Variants in MTFR1 observed in about 807,000 individuals in gnomAD.
MTFR1 encodes the protein mitochondrial fission regulator 1.
MTFR1 carries 28 observed loss-of-function variants against 38.8 expected under a neutral mutation model. That is an observed-to-expected ratio of 0.72 (90% CI 0.53 to 0.99). MTFR1 has a LOEUF of 0.99. MTFR1 is among the 50% of genes least tolerant of loss of function. MTFR1 has a pLI of 0.00. For synonymous variants in MTFR1, 145 were observed against 137.0 expected, an observed-to-expected ratio of 1.06 and a Z score of -0.41; for missense variants, 358 against 395.5, an observed-to-expected ratio of 0.91 and a Z score of 0.81.
chr8:65,727,136 AAAT>A, intron 3 of MTFR1: 3 of 1,312,640 alleles, frequency 2.3e-6, no homozygotes, highest in Non-Finnish European at 3.3e-6. Flanking sequence ...TAGAATGCAA[AAAT>A]AATAAATCTT....
rs529905959 is a variant in MTFR1, at chr8:65,740,607, G to A, written c.*48+21126G>A. Among the ~76,000 whole-genome samples the A allele has an allele frequency of 3.4e-4, 52 of 152,118 alleles. 1 individual carries two copies. The highest frequency in any genetic ancestry group is 6.2e-4 in the South Asian group (3 of 4,818). On this transcript the variant is annotated intron_variant, in intron 3 of 3. Transcript: ENST00000521247. ...AGTAGAGACAGGGTTTCACTTTGTT[G>A]GCCAGGCTGGTCTCGAACTCCTGAC...
chr8:65,748,351 G>A (rs1264190030), intron 3 of MTFR1, among the ~76,000 whole-genome samples: 2 of 152,184 alleles, frequency 1.3e-5, no homozygotes, highest in Admixed American at 1.3e-4. Flanking sequence ...TTTATATCCT[G>A]TAAGTGTTCT....
intron 4 of MTFR1, among the ~76,000 whole-genome samples, chr8:65,694,166 A>T (rs1443517613): frequency 1.4e-5 from 2 of 147,226 alleles, no homozygotes; most frequent in Non-Finnish European, 3.0e-5. Flanking sequence ...CCTCCACCTC[A>T]CAGGTTCAAG....
chr8:65,768,011 G>C (rs545259310), intron 3 of MTFR1, among the ~76,000 whole-genome samples: 2 of 151,986 alleles, frequency 1.3e-5, no homozygotes, highest in Non-Finnish European at 2.9e-5. Context: ...TTAACCTGTG[G>C]GGTCTGACAC....
intron 3 of MTFR1, chr8:65,727,086 T>G (rs990535659): frequency 9.7e-7 from 1 of 1,034,300 alleles, no homozygotes; most frequent in Non-Finnish European, 1.5e-6. Flanking sequence ...TGAGAATTTA[T>G]TTTCATTACT....
downstream of MTFR1, among the ~76,000 whole-genome samples, chr8:65,771,820 A>C (rs577464520): frequency 6.9e-6 from 1 of 144,988 alleles, no homozygotes; most frequent in East Asian, 2.0e-4. Flanking sequence ...GGCTGCAGTG[A>C]GCCACGATTG....
intron 4 of MTFR1, among the ~76,000 whole-genome samples, chr8:65,699,967 G>C (rs1171870851): frequency 1.3e-5 from 2 of 151,962 alleles, no homozygotes; most frequent in African/African-American, 2.4e-5. Flanking sequence ...TATGTCTCCA[G>C]GAAAACAGGA....
intron 3 of MTFR1, chr8:65,726,840 C>T (rs1377405557): frequency 9.0e-7 from 1 of 1,109,548 alleles, no homozygotes; most frequent in East Asian, 2.4e-5. Context: ...CTTCTATAAC[C>T]AGTAACAAAT....
At chr8:65,752,107 T>G (rs1171529675) in intron 3 of MTFR1, among the ~76,000 whole-genome samples, 1 of 152,242 alleles carries the variant, frequency 6.6e-6, no homozygotes, top group Non-Finnish European at 1.5e-5. Flanking sequence ...GCTTGAGATA[T>G]CATCCTCTAA....
chr8:65,686,368 T>C (rs991991337), intron 3 of MTFR1, among the ~76,000 whole-genome samples: 1 of 151,640 alleles, frequency 6.6e-6, no homozygotes, highest in Non-Finnish European at 1.5e-5. Context: ...GGTCAGGAGT[T>C]CAAGACCAGC....
chr8:65,745,139 C>A (rs189686944), intron 3 of MTFR1, among the ~76,000 whole-genome samples: 2 of 152,310 alleles, frequency 1.3e-5, no homozygotes, highest in Non-Finnish European at 2.9e-5. Flanking sequence ...CTCTTGCCTG[C>A]CAACATGTAA....
At chr8:65,663,654 A>G (rs1563436971) in intron 1 of MTFR1, among the ~76,000 whole-genome samples, 2 of 151,950 alleles carry the variant, frequency 1.3e-5, no homozygotes, top group African/African-American at 4.8e-5. Flanking sequence ...AACAATACCA[A>G]TTATTACTGA....
chr8:65,744,583 T>C (rs1383954804), intron 3 of MTFR1, among the ~76,000 whole-genome samples: 2 of 152,192 alleles, frequency 1.3e-5, no homozygotes, highest in East Asian at 3.8e-4. Flanking sequence ...TAGATTCTGA[T>C]AAGCGCTCTT....
intron 1 of MTFR1, among the ~76,000 whole-genome samples, chr8:65,651,683 T>C (rs549123408): frequency 6.6e-6 from 1 of 152,316 alleles, no homozygotes; most frequent in South Asian, 2.1e-4. Context: ...GCTACGACCA[T>C]GTTGTCTCGG....
At position 65,690,789 on chromosome 8, in the gene MTFR1, G is replaced by T. The variant is rs200585649; in HGVS notation, c.166-2855G>T. On this transcript the variant is annotated intron_variant, in intron 3 of 7. Transcript: ENST00000262146. Reference sequence around the variant, plus strand: ...TCTCATGAAATAGCACCTTAGGAAGGCACCATTCAGATTTTAGTCTTAGGA... The same window carrying T: ...TCTCATGAAATAGCACCTTAGGAAGTCACCATTCAGATTTTAGTCTTAGGA... 5.3e-5 allele frequency among the ~76,000 whole-genome samples: 8 copies of T among 152,204 alleles called. No homozygotes were observed. The East Asian group carries it at 1.5e-3, about 29-fold the overall frequency.
exon 4 of MTFR1, chr8:65,771,064 A>G (rs1347500500): frequency 2.7e-6 from 1 of 374,716 alleles, no homozygotes; most frequent in African/African-American, 2.2e-5. Flanking sequence ...CCAAACCACA[A>G]TAATTCATGG....
chr8:65,715,638 A>G (rs928882787), intron 2 of MTFR1, among the ~76,000 whole-genome samples: 3 of 148,786 alleles, frequency 2.0e-5, no homozygotes, highest in Non-Finnish European at 4.5e-5. Flanking sequence ...TCAGCCTCCC[A>G]AAGTGCTGGG....
Position 65,660,312 on chromosome 8 carries a change from C to CAAA in MTFR1, c.-80-9553_-80-9551dup, listed in dbSNP as rs368007051. Among the ~76,000 whole-genome samples, 45 of 129,440 alleles carry CAAA rather than the reference C, an allele frequency of 3.5e-4. 1 individual carries two copies. In the Middle Eastern group the frequency reaches 0.012, roughly 36 times the overall value. 84.9% of individuals were successfully genotyped at this position (129,440 alleles called of 152,430 possible). A position where few individuals can be genotyped will look rare whatever the true frequency, so the allele number is the denominator to read the frequency against. On this transcript the variant is annotated intron_variant, in intron 1 of 7. Coordinates refer to ENST00000262146, the MANE Select transcript of MTFR1 (RefSeq NM_014637.4). ...GTCTCAAAAAAAAAAAAAAAAAAGA[C>CAAA]AAAAAAAAAACCCATCTGTGGTGGT... is the stretch of plus-strand genomic sequence containing the variant.
Position 65,707,888 on chromosome 8 carries a change from TG to T in MTFR1, c.811del (p.Ala271LeufsTer4). The T allele has an allele frequency of 6.2e-7, 1 of 1,614,218 alleles. No homozygotes were observed. The highest frequency in any genetic ancestry group is 1.1e-5 in the South Asian group (1 of 91,086). On this transcript the variant is annotated frameshift_variant, in exon 7 of 8. Coordinates refer to ENST00000262146, the MANE Select transcript of MTFR1 (RefSeq NM_014637.4). LOFTEE classifies it high-confidence loss of function. The part of the protein sequence containing the change: ...KPKPVDATDP[A>X]ALIAEALKKK... ...CCAAGCCAGTGGATGCTACTGACCC[TG>T]CTGCCCTCATAGCAGAGGCTCTGAA...
Sources: allele counts gnomAD v4.1 joint callset (sites outside exome capture counted in the v4.1 genomes callset), GRCh38; gene constraint gnomAD v4.1.1; transcripts MANE v1.5; gene names NCBI Gene and HGNC (gene_info 2026-07-23, HGNC 2026-07-21).